The following ADCY2 variants were observed in gnomAD, a reference collection of about 807,000 sequenced individuals.
ADCY2 encodes adenylate cyclase 2.
A neutral mutation model predicts 125.2 loss-of-function variants in ADCY2; 31 were observed. The ratio of observed to expected loss-of-function variants is 0.25; its 90% CI spans 0.19 to 0.33. ADCY2 has a LOEUF of 0.33. Among genes scored for constraint, ADCY2 ranks in the 10% least tolerant of loss-of-function variants. The probability of loss-of-function intolerance (pLI) is 1.00; values close to 1 mark genes in which losing one functional copy is unlikely to be tolerated. For synonymous variants in ADCY2, 512 were observed against 548.4 expected, an observed-to-expected ratio of 0.93 and a Z score of 0.93; for missense variants, 904 against 1,418.2, an observed-to-expected ratio of 0.64 and a Z score of 5.82.
chr5:7,707,505 A>G (rs931561785), intron 8 of ADCY2, among the ~76,000 whole-genome samples: 1 of 152,248 alleles, frequency 6.6e-6, no homozygotes, highest in Non-Finnish European at 1.5e-5. Context: ...CGGTGAGTGC[A>G]GAGAAGCTCC....
chr5:7,676,423 CTTCT>C (rs1358225817), intron 4 of ADCY2, among the ~76,000 whole-genome samples: 1 of 152,072 alleles, frequency 6.6e-6, no homozygotes, highest in Non-Finnish European at 1.5e-5. Context: ...CATTAATTTC[CTTCT>C]TTCTTTGTTC....
intron 3 of ADCY2, among the ~76,000 whole-genome samples, chr5:7,532,683 A>G (rs1480432121): frequency 6.6e-6 from 1 of 152,062 alleles, no homozygotes; most frequent in East Asian, 1.9e-4. Context: ...GTAAATCTAG[A>G]ACTGTATCAA....
chr5:7,694,079 C>A (rs577717420), intron 5 of ADCY2, among the ~76,000 whole-genome samples: 3 of 152,038 alleles, frequency 2.0e-5, no homozygotes, highest in Non-Finnish European at 2.9e-5. Flanking sequence ...TCCCAGGAAC[C>A]CTGATTTTCC....
At chr5:7,570,620 CAAAAA>C (rs33956366) in intron 3 of ADCY2, among the ~76,000 whole-genome samples, 1 of 112,980 alleles carries the variant, frequency 8.9e-6, no homozygotes, top group Admixed American at 9.6e-5. Context: ...AGTCAAGGGA[CAAAAA>C]AAAAAAAAAA....
At chr5:7,651,191 A>T (rs1362273001) in intron 4 of ADCY2, among the ~76,000 whole-genome samples, 1 of 152,194 alleles carries the variant, frequency 6.6e-6, no homozygotes, top group Non-Finnish European at 1.5e-5. Context: ...CAATACAAAA[A>T]AGTGCAATTT....
intron 2 of ADCY2, among the ~76,000 whole-genome samples, chr5:7,419,783 T>G (rs1740121073): frequency 6.6e-6 from 1 of 152,222 alleles, no homozygotes; most frequent in Non-Finnish European, 1.5e-5. Flanking sequence ...GTACAGTGGC[T>G]TGAGTGTAGC....
intron 2 of ADCY2, among the ~76,000 whole-genome samples, chr5:7,476,980 A>C (rs1313609753): frequency 1.3e-5 from 2 of 152,188 alleles, no homozygotes; most frequent in Non-Finnish European, 2.9e-5. Flanking sequence ...GACACCTAGA[A>C]TATTACTTTG....
At chr5:7,412,572 G>A (rs551869301) in intron 1 of ADCY2, among the ~76,000 whole-genome samples, 4 of 152,354 alleles carry the variant, frequency 2.6e-5, no homozygotes, top group East Asian at 3.9e-4. Flanking sequence ...CTGTGTCTGA[G>A]GGTAAGAGTA....
At chr5:7,734,036 A>G (rs1179422148) in intron 14 of ADCY2, among the ~76,000 whole-genome samples, 2 of 152,070 alleles carry the variant, frequency 1.3e-5, no homozygotes, top group Non-Finnish European at 2.9e-5. Flanking sequence ...TTGAAGTTCT[A>G]TCATTTAAAA....
At chr5:7,476,181 C>A (rs1742518132) in intron 2 of ADCY2, among the ~76,000 whole-genome samples, 1 of 152,062 alleles carries the variant, frequency 6.6e-6, no homozygotes, top group East Asian at 1.9e-4. Flanking sequence ...AGTGAATCTG[C>A]TAAAGCTTGT....
chr5:7,657,685 G>A (rs1388420870), intron 4 of ADCY2, among the ~76,000 whole-genome samples: 1 of 152,284 alleles, frequency 6.6e-6, no homozygotes, highest in East Asian at 1.9e-4. Context: ...CACACGTGAG[G>A]GTTAATCACC....
chr5:7,811,396 G>A (rs1238012378), intron 22 of ADCY2, among the ~76,000 whole-genome samples: 5 of 151,930 alleles, frequency 3.3e-5, no homozygotes, highest in Non-Finnish European at 7.4e-5. Flanking sequence ...AGCTACTCGG[G>A]AGGCTGAGGC....
chr5:7,702,677 A>G (rs1741127966), intron 7 of ADCY2, among the ~76,000 whole-genome samples: 1 of 152,174 alleles, frequency 6.6e-6, no homozygotes, highest in African/African-American at 2.4e-5. Context: ...GAATAGTGCC[A>G]CAGTAAACAT....
chr5:7,469,854 TA>T (rs1236087043), intron 2 of ADCY2, among the ~76,000 whole-genome samples: 2 of 151,782 alleles, frequency 1.3e-5, no homozygotes, highest in African/African-American at 2.4e-5. Context: ...ACTTTTTATT[TA>T]TTTTTTTATT....
chr5:7,490,862 C>T (rs1375416427), intron 2 of ADCY2, among the ~76,000 whole-genome samples: 1 of 151,960 alleles, frequency 6.6e-6, no homozygotes, highest in Non-Finnish European at 1.5e-5. Flanking sequence ...TCACAGTCAC[C>T]GTAAGTCAGG....
chr5:7,789,913 G>A, intron 20 of ADCY2, 113 bp downstream of exon 20: 2 of 824,006 alleles, frequency 2.4e-6, no homozygotes, highest in East Asian at 2.7e-5. Context: ...ACACATCTGA[G>A]TGTTCAAATT....
At chr5:7,397,697 T>A (rs1386006417) in intron 1 of ADCY2, among the ~76,000 whole-genome samples, 2 of 152,110 alleles carry the variant, frequency 1.3e-5, no homozygotes, top group Non-Finnish European at 2.9e-5. Context: ...ACCATCATGT[T>A]TTTAAAAAAT....
At chr5:7,546,637 C>T (rs1735156183) in intron 3 of ADCY2, among the ~76,000 whole-genome samples, 1 of 152,202 alleles carries the variant, frequency 6.6e-6, no homozygotes, top group Admixed American at 6.5e-5. Context: ...GCTTTCTTCC[C>T]TCACGCCTTC....
intron 3 of ADCY2, among the ~76,000 whole-genome samples, chr5:7,565,504 A>G (rs909828476): frequency 2.0e-5 from 3 of 152,280 alleles, no homozygotes; most frequent in East Asian, 3.9e-4. Context: ...TGAGCCGCTT[A>G]TTTTCTCCAA....
Sources: allele counts gnomAD v4.1 joint callset (sites outside exome capture counted in the v4.1 genomes callset), GRCh38; gene constraint gnomAD v4.1.1; transcripts MANE v1.5; gene names NCBI Gene and HGNC (gene_info 2026-07-23, HGNC 2026-07-21).